SLC6A15: variants seen among roughly 807,000 people sequenced by gnomAD.
The protein encoded by SLC6A15 is sodium-dependent neutral amino acid transporter B(0)AT2.
A neutral mutation model predicts 68.5 loss-of-function variants in SLC6A15; 33 were observed. The ratio of observed to expected loss-of-function variants is 0.48; its 90% CI spans 0.37 to 0.64. The LOEUF is 0.64. Ranked by LOEUF, SLC6A15 falls within the 30% of genes least tolerant of loss-of-function variation. The pLI is 0.00. For synonymous variants in SLC6A15, 347 were observed against 301.0 expected, an observed-to-expected ratio of 1.15 and a Z score of -1.58; for missense variants, 747 against 874.3, an observed-to-expected ratio of 0.85 and a Z score of 1.84.
Position 84,891,834 on chromosome 12 carries a change from C to T in SLC6A15, c.287G>A (p.Gly96Asp). 6.2e-7 allele frequency: 1 copy of T among 1,610,158 alleles called. No homozygotes were observed. Among genetic ancestry groups the T allele is most frequent in the Non-Finnish European group, 8.5e-7 (1 of 1,177,600 alleles). ...TATCACTTAAAAAGATTACTTACCGCCCCCATTCTTCTGACATAGGTATGG... is the reference window on the plus strand; with the variant it reads ...TATCACTTAAAAAGATTACTTACCGTCCCCATTCTTCTGACATAGGTATGG... ...RFPYLCQKNG[G>D]GAYLLPYLIL... The change falls in exon 2 of 12, where the codon GGC (glycine) becomes GAC (aspartate). Residue 96 changes from glycine to aspartate, a missense_variant and splice_region_variant. Gly to Asp is a moderately conservative substitution (Grantham distance 94). Coordinates refer to ENST00000266682, the MANE Select transcript of SLC6A15 (RefSeq NM_182767.6).
chr12:84,865,546 C>G (rs763299414), intron 10 of SLC6A15, among the ~76,000 whole-genome samples: 1 of 152,170 alleles, frequency 6.6e-6, no homozygotes, highest in African/African-American at 2.4e-5. Flanking sequence ...TGTATAATGA[C>G]GTGTGTCCAC....
chr12:84,900,767 C>T (rs1430825106), intron 1 of SLC6A15, among the ~76,000 whole-genome samples: 4 of 151,310 alleles, frequency 2.6e-5, no homozygotes, highest in Admixed American at 2.0e-4. Flanking sequence ...TTAAAACAAT[C>T]TTTCATTTAT....
intron 1 of SLC6A15, among the ~76,000 whole-genome samples, chr12:84,901,926 A>T (rs1008725134): frequency 2.6e-5 from 4 of 151,834 alleles, no homozygotes; most frequent in Admixed American, 2.6e-4. Flanking sequence ...CTAATATAGG[A>T]CAAAAATAAA....
intron 1 of SLC6A15, among the ~76,000 whole-genome samples, chr12:84,907,317 C>T (rs939028529): frequency 6.6e-6 from 1 of 151,388 alleles, no homozygotes; most frequent in Admixed American, 6.6e-5. Flanking sequence ...CACTGAACTC[C>T]AGCCTGGGCC....
At chr12:84,897,929 G>T (rs1373800143) in intron 1 of SLC6A15, among the ~76,000 whole-genome samples, 1 of 152,120 alleles carries the variant, frequency 6.6e-6, no homozygotes, top group Non-Finnish European at 1.5e-5. Flanking sequence ...GAAATTATGT[G>T]CAGGGGACAA....
intron 1 of SLC6A15, among the ~76,000 whole-genome samples, chr12:84,912,287 C>A (rs1477581119): frequency 2.0e-5 from 3 of 152,124 alleles, no homozygotes; most frequent in African/African-American, 7.2e-5. Context: ...TGCAGCCTGT[C>A]GCCCCCCACC....
At chr12:84,866,674 T>C (rs1468396413) in intron 10 of SLC6A15, among the ~76,000 whole-genome samples, 1 of 152,144 alleles carries the variant, frequency 6.6e-6, no homozygotes, top group Non-Finnish European at 1.5e-5. Context: ...AGGGTGTCTC[T>C]CTAAGCTTGA....
At chr12:84,911,088 C>T (rs971095020) in intron 1 of SLC6A15, among the ~76,000 whole-genome samples, 2 of 152,140 alleles carry the variant, frequency 1.3e-5, no homozygotes, top group Non-Finnish European at 2.9e-5. Flanking sequence ...TGTGTTTCAG[C>T]AATGATCTTG....
Position 84,863,588 on chromosome 12 carries a change from G to A in SLC6A15, c.1669C>T (p.Leu557=). The A allele has an allele frequency of 1.3e-6, 2 of 1,547,868 alleles. No homozygotes were observed. The highest frequency in any genetic ancestry group is 1.7e-6 in the Non-Finnish European group (2 of 1,156,050). ...GGAGCAAAGCCCAGCATATCTTTTA[G>A]GTCTTCCATAAACCTGAATAAAAAG... ...VYGIDKFMED[L]KDMLGFAPSR... Residue 557 remains leucine (L), a synonymous_variant, in exon 11 of 12, where the codon CTA becomes TTA. Coordinates refer to ENST00000266682, the MANE Select transcript of SLC6A15 (RefSeq NM_182767.6).
chr12:84,868,653 G>A (rs1266746415), intron 9 of SLC6A15, among the ~76,000 whole-genome samples: 1 of 152,108 alleles, frequency 6.6e-6, no homozygotes, highest in African/African-American at 2.4e-5. Context: ...AAGAAAATGA[G>A]GTAATATTTC....
At chr12:84,897,825 G>A (rs922707474) in intron 1 of SLC6A15, among the ~76,000 whole-genome samples, 2 of 152,002 alleles carry the variant, frequency 1.3e-5, no homozygotes, top group African/African-American at 4.8e-5. Context: ...GCCAAACAGA[G>A]AAAACAAAGT....
At position 84,882,943 on chromosome 12, in the gene SLC6A15, A is replaced by T. The variant is rs138100399; in HGVS notation, c.756+916T>A. ...TATTATTGTTATTATGACTACTTCT[A>T]CTATTGCTGCTGCTACTACTACTAC... On this transcript the variant is annotated intron_variant, in intron 5 of 11. Transcript: ENST00000266682. 3.8e-5 allele frequency: 31 copies of T among 820,004 alleles called. No individual in the cohort carries two copies. In the African/African-American group the frequency reaches 5.6e-4, roughly 15 times the overall value. The allele number at this position is 820,004 out of a possible 1,614,324, so 50.8% of individuals were successfully genotyped here. A position where few individuals can be genotyped will look rare whatever the true frequency, so the allele number is the denominator to read the frequency against.
At chr12:84,877,195 T>C (rs945825696) in intron 5 of SLC6A15, among the ~76,000 whole-genome samples, 1 of 152,166 alleles carries the variant, frequency 6.6e-6, no homozygotes, top group Non-Finnish European at 1.5e-5. Flanking sequence ...CTCCTTGACA[T>C]CTTCCTCTGG....
At chr12:84,910,794 A>G (rs1873399075) in intron 1 of SLC6A15, among the ~76,000 whole-genome samples, 1 of 152,044 alleles carries the variant, frequency 6.6e-6, no homozygotes, top group African/African-American at 2.4e-5. Context: ...TACTGCTCAG[A>G]CCCCTTCTGC....
intron 5 of SLC6A15, chr12:84,882,338 T>C: frequency 1.0e-6 from 1 of 984,948 alleles, no homozygotes; most frequent in Non-Finnish European, 1.2e-6. Flanking sequence ...AATTGAACAA[T>C]TCGAAGTTAT....
At chr12:84,882,844 T>C (rs965876172) in intron 5 of SLC6A15, 24 of 326,128 alleles carry the variant, frequency 7.4e-5, no homozygotes, top group Non-Finnish European at 1.1e-4. Flanking sequence ...GCAAAATACA[T>C]TTGTAATAAA....
At position 84,866,529 on chromosome 12, in the gene SLC6A15, A is replaced by G. The variant is rs1871073565; in HGVS notation, c.1655+505T>C. On this transcript the variant is annotated intron_variant, in intron 10 of 11. Transcript: ENST00000266682. The stretch of plus-strand genomic sequence containing the variant: ...TCATTTCCCAATATTGTCCTGCTAT[A>G]TAAGGCATTATGACACATGCACTCC... Among the ~76,000 whole-genome samples, 3 of 152,290 alleles carry G rather than the reference A, an allele frequency of 2.0e-5. 1 individual carries two copies. The South Asian group carries it at 6.2e-4, about 32-fold the overall frequency.
rs547040316 is a variant in SLC6A15, at chr12:84,904,597, T to C, written c.-189+7926A>G. ...CTAGATCTATGTAGAGGATATGTGG[T>C]TTAGGTTTTTAAATACACACAGTGA... On this transcript the variant is annotated intron_variant, in intron 1 of 11. Transcript: ENST00000266682. Among the ~76,000 whole-genome samples, 9 of 152,290 alleles carry C rather than the reference T, an allele frequency of 5.9e-5. No homozygotes were observed. The East Asian group carries it at 1.7e-3, about 29-fold the overall frequency.
intron 5 of SLC6A15, among the ~76,000 whole-genome samples, chr12:84,880,437 G>A (rs547809988): frequency 7.9e-4 from 120 of 152,148 alleles, no homozygotes; most frequent in Non-Finnish European, 1.1e-3. Flanking sequence ...CATGCGTTAC[G>A]TCTTATAACT....
Sources: gnomAD v4.1 joint callset for allele counts (sites outside exome capture counted in the v4.1 genomes callset) on GRCh38, gnomAD v4.1.1 for gene constraint, MANE v1.5 for transcripts, NCBI Gene and HGNC (gene_info 2026-07-23, HGNC 2026-07-21) for gene names.